Variants in FNIP1 observed in about 807,000 individuals in gnomAD.
FNIP1 encodes folliculin-interacting protein 1.
Under a neutral mutation model 124.5 loss-of-function variants are expected in FNIP1, and 40 were observed. The observed-to-expected ratio is 0.32, with a 90% CI of 0.25 to 0.42. FNIP1 has a LOEUF of 0.42. Ranked by LOEUF, FNIP1 falls within the 10% of genes least tolerant of loss-of-function variation. The pLI, the probability that FNIP1 is intolerant of heterozygous loss-of-function variation, is 1.00. For synonymous variants in FNIP1, 472 were observed against 470.6 expected (o/e 1.00, Z -0.04); for missense variants, 1,176 against 1,403.7 (o/e 0.84, Z 2.59).
intron 6 of FNIP1, among the ~76,000 whole-genome samples, chr5:131,712,045 A>T (rs147631180): frequency 2.0e-5 from 3 of 152,232 alleles, no homozygotes; most frequent in Admixed American, 2.0e-4. Flanking sequence ...AGTAGAATTA[A>T]CCAGATTGGA....
At chr5:131,689,992 G>A (rs1189314957) in intron 11 of FNIP1, among the ~76,000 whole-genome samples, 1 of 152,120 alleles carries the variant, frequency 6.6e-6, no homozygotes, top group Non-Finnish European at 1.5e-5. Context: ...AGGCCGAGGA[G>A]GGTGGATCGC....
intron 15 of FNIP1, among the ~76,000 whole-genome samples, chr5:131,654,103 AAAT>A: frequency 6.6e-6 from 1 of 152,236 alleles, no homozygotes; most frequent in Non-Finnish European, 1.5e-5. Flanking sequence ...AGACAGTGAA[AAAT>A]AATATTTTGA....
chr5:131,724,423 T>C (rs1165781113), intron 3 of FNIP1, among the ~76,000 whole-genome samples: 1 of 152,224 alleles, frequency 6.6e-6, no homozygotes, highest in Non-Finnish European at 1.5e-5. Flanking sequence ...GAGATGCTTA[T>C]CTCATCATGG....
At chr5:131,746,631 A>G (rs981633327) in intron 1 of FNIP1, among the ~76,000 whole-genome samples, 7 of 152,168 alleles carry the variant, frequency 4.6e-5, no homozygotes, top group African/African-American at 1.7e-4. Context: ...GCTGAGTAGT[A>G]TTCCATAGTA....
In FNIP1 at chr5:131,707,296, A is replaced by G. The variant is rs545641614; in HGVS notation, c.779-750T>C. On this transcript the variant is annotated intron_variant, in intron 8 of 17. Transcript: ENST00000510461. ...CTTTTCCCCACTGGATTTAGAGAGG[A>G]TAACACTTGCCATTAAGGGCTTGCT... 9.7e-4 allele frequency among the ~76,000 whole-genome samples: 148 copies of G among 152,340 alleles called. 4 individuals are homozygous for G. The South Asian group carries it at 0.016, about 17-fold the overall frequency.
intron 6 of FNIP1, among the ~76,000 whole-genome samples, chr5:131,713,112 G>T (rs1189602816): frequency 6.6e-6 from 1 of 151,730 alleles, no homozygotes; most frequent in Non-Finnish European, 1.5e-5. Flanking sequence ...GCAGTGGCAC[G>T]ATCTTGGCTC....
At chr5:131,771,845 C>T (rs1411904998) in intron 1 of FNIP1, among the ~76,000 whole-genome samples, 2 of 152,198 alleles carry the variant, frequency 1.3e-5, no homozygotes, top group East Asian at 3.9e-4. Context: ...AAAAACAGTC[C>T]TAAGCACAGC....
At chr5:131,654,121 T>G (rs1392612447) in intron 15 of FNIP1, among the ~76,000 whole-genome samples, 1 of 152,246 alleles carries the variant, frequency 6.6e-6, no homozygotes, top group African/African-American at 2.4e-5. Flanking sequence ...TTTTGACTCA[T>G]ATATACATAG....
At chr5:131,670,700 A>C (rs938058542) in intron 14 of FNIP1, 69 bp from the exon 15 acceptor site, 1 of 1,225,696 alleles carries the variant, frequency 8.2e-7, no homozygotes, top group African/African-American at 1.6e-5. Context: ...AAAAAAAAAA[A>C]AAGTGAATTC....
intron 1 of FNIP1, among the ~76,000 whole-genome samples, chr5:131,752,563 A>T (rs989098069): frequency 1.3e-5 from 2 of 148,810 alleles, no homozygotes; most frequent in Admixed American, 1.3e-4. Context: ...AGACCAGTCC[A>T]GAGATTGGAA....
At position 131,672,903 on chromosome 5, in the gene FNIP1, C is replaced by T; in HGVS notation, c.1541G>A (p.Gly514Asp). 6.4e-7 allele frequency: 1 copy of T among 1,556,566 alleles called. No individual in the cohort carries two copies. Among genetic ancestry groups the T allele is most frequent in the Non-Finnish European group, 8.7e-7 (1 of 1,154,446 alleles). ...AQLGDLYGAI[G>D]SPVRLARTVV... The stretch of plus-strand genomic sequence containing the variant: ...AGTCCTTGCTAACCGTACGGGAGAG[C>T]CAATAGCGCCATACAAGTCTCCTGT... The change falls in exon 14 of 18, where the codon GGC becomes GAC. Residue 514 changes from glycine to aspartate, a missense_variant. Physicochemically the swap from Gly to Asp is moderately conservative, Grantham distance 94 (BLOSUM62 -1). Around this residue, in one of 2 missense-constraint regions of FNIP1, gnomAD observed 1,109 missense variants for 1,288.5 expected, o/e 0.86. Transcript: ENST00000510461.
At chr5:131,733,907 C>T (rs1441181650) in intron 2 of FNIP1, among the ~76,000 whole-genome samples, 3 of 152,146 alleles carry the variant, frequency 2.0e-5, no homozygotes, top group African/African-American at 2.4e-5. Context: ...AGGAATGGTA[C>T]CAGCTCCTCC....
chr5:131,670,398 T>C, intron 15 of FNIP1, 65 bp downstream of exon 15: 1 of 1,397,472 alleles, frequency 7.2e-7, no homozygotes, highest in Non-Finnish European at 9.5e-7. Context: ...TATAAGGCAA[T>C]TTTGGGTTCT....
intron 1 of FNIP1, among the ~76,000 whole-genome samples, chr5:131,771,503 T>C (rs932947775): frequency 6.6e-6 from 1 of 152,164 alleles, no homozygotes; most frequent in Non-Finnish European, 1.5e-5. Context: ...AAAAGGAACA[T>C]GTTCCAAAAC....
chr5:131,693,319 C>T (rs13188465), intron 11 of FNIP1, among the ~76,000 whole-genome samples: 11,931 of 39,686 alleles, frequency 0.3, 1,761 homozygotes, highest in Non-Finnish European at 0.38. Context: ...TATATATACA[C>T]ATATATATAT....
At chr5:131,793,790 A>G (rs2149592542) in intron 1 of FNIP1, among the ~76,000 whole-genome samples, 1 of 152,334 alleles carries the variant, frequency 6.6e-6, no homozygotes, top group Admixed American at 6.5e-5. Context: ...AGCTACAGTT[A>G]GTTGCCAATG....
chr5:131,685,797 T>C (rs1768256341), intron 11 of FNIP1, among the ~76,000 whole-genome samples: 2 of 41,368 alleles, frequency 4.8e-5, no homozygotes. Context: ...CCTGCCTCAC[T>C]CCAGTTAAAA....
rs573801890 is a variant in FNIP1, at chr5:131,732,055, CCT to C, written c.220-1019_220-1018del. ...AAGAAAAATGTATTTCTTTTTAATT[CCT>C]CTTTCTCTTTTTCCTCCCCAACAGC... On this transcript the variant is annotated intron_variant, in intron 2 of 17. Transcript: ENST00000510461. 3.4e-3 allele frequency among the ~76,000 whole-genome samples: 510 copies of C among 152,172 alleles called. 4 individuals carry two copies. Among genetic ancestry groups the C allele is most frequent in the African/African-American group, 0.012 (478 of 41,530 alleles).
At chr5:131,730,526 T>C (rs1183162639) in intron 3 of FNIP1, among the ~76,000 whole-genome samples, 1 of 152,208 alleles carries the variant, frequency 6.6e-6, no homozygotes, top group African/African-American at 2.4e-5. Flanking sequence ...ACATTACTTT[T>C]GAGAAATAAA....
Sources: allele counts gnomAD v4.1 joint callset (sites outside exome capture counted in the v4.1 genomes callset), GRCh38; gene constraint gnomAD v4.1.1; regional missense constraint gnomAD v4.1.1; transcripts MANE v1.5; gene names NCBI Gene and HGNC (gene_info 2026-07-23, HGNC 2026-07-21).